BOP1: variants seen among roughly 807,000 people sequenced by gnomAD.
BOP1 encodes ribosome biogenesis protein BOP1.
In BOP1, 54 loss-of-function variants were observed where a neutral mutation model predicts 82.9. That is an observed-to-expected ratio of 0.65 (90% confidence interval 0.52 to 0.82). The LOEUF is 0.82. Among genes scored for constraint, BOP1 ranks in the 40% least tolerant of loss-of-function variants. The probability of loss-of-function intolerance (pLI) is 0.00; values close to 1 mark genes in which losing one functional copy is unlikely to be tolerated. For synonymous variants in BOP1, 566 were observed against 451.1 expected (o/e 1.25, Z -3.23); for missense variants, 1,170 against 1,072.0 (o/e 1.09, Z -1.28).
intron 2 of BOP1, among the ~76,000 whole-genome samples, chr8:144,280,955 TTGGCCTTCTCTC>T (rs1554838829): frequency 4.0e-5 from 6 of 150,616 alleles, no homozygotes; most frequent in African/African-American, 1.5e-4. Context: ...TACCAGGTCT[TTGGCCTTCTCTC>T]ACTTTAATAC....
At position 144,263,978 on chromosome 8, in the gene BOP1, C is replaced by T; in HGVS notation, c.1140+3G>A. ...ACCCCCCTGGTGTGCCACCCCCACA[C>T]ACCCTCATCTTGCGCTGCCGTGGGC... is the stretch of plus-strand genomic sequence containing the variant. On this transcript the variant is annotated splice_donor_region_variant and intron_variant, in intron 8 of 15. Coordinates refer to ENST00000569669, the MANE Select transcript of BOP1 (RefSeq NM_015201.5). 6.2e-7 allele frequency: 1 copy of T among 1,610,672 alleles called. No individual in the cohort carries two copies. The highest frequency in any genetic ancestry group is 1.7e-5 in the Admixed American group (1 of 59,972).
intron 2 of BOP1, among the ~76,000 whole-genome samples, chr8:144,279,609 A>T (rs1368180992): frequency 2.0e-5 from 3 of 152,200 alleles, no homozygotes; most frequent in Non-Finnish European, 4.4e-5. Context: ...CGTAAGGGTG[A>T]CTGTGACCAT....
intron 3 of BOP1, chr8:144,266,783 GGGGCCGGC>G (rs1588591172): frequency 3.6e-6 from 4 of 1,103,712 alleles, no homozygotes; most frequent in African/African-American, 1.7e-5. Flanking sequence ...CGGAGGGCGG[GGGGCCGGC>G]GGGCCGGGGG....
chr8:144,263,747 G>C lies in BOP1; in HGVS notation c.1236C>G (p.His412Gln). ...PTCQALVYRG[H>Q]SDLVRCLSVS... ...CACTGAGGCACCGGACAAGGTCACT[G>C]TGGCCCCTGTAGACCTGAGGAGGCG... The change falls in exon 10 of 16, where the codon CAC becomes CAG. Residue 412 changes from histidine (H) to glutamine (Q), a missense_variant. His to Gln is a conservative substitution (Grantham distance 24). Coordinates refer to ENST00000569669, the MANE Select transcript of BOP1 (RefSeq NM_015201.5). 1 of 1,581,590 alleles carries C rather than the reference G, an allele frequency of 6.3e-7. No homozygotes were observed. Among genetic ancestry groups the C allele is most frequent in the Non-Finnish European group, 8.6e-7 (1 of 1,165,524 alleles).
At chr8:144,273,106 T>C (rs1331928510) in intron 3 of BOP1, among the ~76,000 whole-genome samples, 3 of 152,030 alleles carry the variant, frequency 2.0e-5, no homozygotes, top group Admixed American at 6.5e-5. Flanking sequence ...CCGGGAAACC[T>C]GAGCCGAGGC....
intron 3 of BOP1, among the ~76,000 whole-genome samples, chr8:144,275,762 C>T (rs1845559523): frequency 6.6e-6 from 1 of 152,122 alleles, no homozygotes; most frequent in African/African-American, 2.4e-5. Flanking sequence ...TAGGAGGTGG[C>T]CCTGGCCCTG....
At chr8:144,290,338 C>CA (rs11353637) in intron 1 of BOP1, among the ~76,000 whole-genome samples, 75,244 of 125,836 alleles carry the variant, frequency 0.6, 20,823 homozygotes, top group Admixed American at 0.72. Context: ...GGCTCTGTCT[C>CA]AAAAAAAAAA....
In BOP1 at chr8:144,267,101, C is replaced by T. The variant is rs1430764984; in HGVS notation, c.391-2030G>A. The stretch of plus-strand genomic sequence containing the variant: ...GCCGGCAGCCCCCCGCCGCCGCCCC[C>T]GCCGCCTCCCGCCCGCGACGGCGAG... On this transcript the variant is annotated intron_variant, in intron 3 of 15. Coordinates refer to ENST00000569669, the MANE Select transcript of BOP1 (RefSeq NM_015201.5). 6 of 1,436,990 alleles carry T rather than the reference C, an allele frequency of 4.2e-6. No individual in the cohort carries two copies. The South Asian group carries it at 4.5e-5, about 11-fold the overall frequency. 89.0% of individuals were successfully genotyped at this position (1,436,990 alleles called of 1,614,324 possible).
chr8:144,269,979 G>C (rs1163170486), intron 3 of BOP1, among the ~76,000 whole-genome samples: 2 of 152,140 alleles, frequency 1.3e-5, no homozygotes, highest in African/African-American at 4.8e-5. Flanking sequence ...CTGTAGGGAG[G>C]GTCCATAGCC....
intron 2 of BOP1, among the ~76,000 whole-genome samples, chr8:144,288,735 G>A (rs540508474): frequency 7.2e-5 from 11 of 152,222 alleles, no homozygotes; most frequent in South Asian, 6.2e-4. Flanking sequence ...CCCCCATGCC[G>A]CCTGCTTGAG....
intron 3 of BOP1, among the ~76,000 whole-genome samples, chr8:144,267,497 C>G (rs1352035727): frequency 6.6e-6 from 1 of 152,244 alleles, no homozygotes; most frequent in Non-Finnish European, 1.5e-5. Context: ...GCAAGCTTCC[C>G]TTTTCAGTAA....
intron 3 of BOP1, among the ~76,000 whole-genome samples, chr8:144,274,315 G>A (rs1348160034): frequency 6.6e-6 from 1 of 152,302 alleles, no homozygotes; most frequent in South Asian, 2.1e-4. Context: ...CCATGGTCCT[G>A]GTGCCACGGC....
chr8:144,281,033 A>ATACGAGGTCTTCGGCCTTCTCTCACTTTC (rs1845664992), intron 2 of BOP1, among the ~76,000 whole-genome samples: 1 of 52,642 alleles, frequency 1.9e-5, no homozygotes, highest in Admixed American at 1.8e-4. Context: ...CTCTCACTTT[A>ATACGAGGTCTTCGGCCTTCTCTCACTTTC]ATACCAGGTC....
chr8:144,263,010 GTGGCTGCGGCGGAACGGACTC>G lies in BOP1; in HGVS notation c.1716_1736del (p.Gln572_Ser578del). 4 of 1,560,170 alleles carry G rather than the reference GTGGCTGCGGCGGAACGGACTC, an allele frequency of 2.6e-6. No homozygotes were observed. Among genetic ancestry groups the G allele is most frequent in the Non-Finnish European group, 3.4e-6 (4 of 1,160,942 alleles). On this transcript the variant is annotated inframe_deletion, in exon 13 of 16. Transcript: ENST00000569669. ...GGAAGGCCACTCGCTGCACCTGTCC[GTGGCTGCGGCGGAACGGACTC>G]TGGCTGCGGCGACGGCTCAGCTGGT... is the stretch of plus-strand genomic sequence containing the variant.
At chr8:144,271,064 C>G (rs955172277) in intron 3 of BOP1, among the ~76,000 whole-genome samples, 14 of 138,434 alleles carry the variant, frequency 1.0e-4, no homozygotes, top group South Asian at 2.4e-4. Context: ...CCGGGTCAGG[C>G]CCCGCACGGA....
In BOP1 at chr8:144,263,511, G is replaced by C. The variant is rs1554836836; in HGVS notation, c.1391C>G (p.Pro464Arg). The change falls in exon 11 of 16, where the codon CCC becomes CGC. Residue 464 changes from proline (P) to arginine (R), a missense_variant. Transcript: ENST00000569669. ...AGCCACCAGGCAGACAGCGGGGCTG[G>C]GGTTCCAGGCCACACTCTTCACCAC... The part of the protein sequence containing the change: ...GGVVKSVAWN[P>R]SPAVCLVAAA... 6.3e-7 allele frequency: 1 copy of C among 1,599,104 alleles called. No homozygotes were observed. Among genetic ancestry groups the C allele is most frequent in the Admixed American group, 1.7e-5 (1 of 59,996 alleles).
intron 3 of BOP1, 80 bp downstream of exon 3, chr8:144,276,144 C>G (rs948175436): frequency 2.6e-5 from 41 of 1,558,310 alleles, no homozygotes; most frequent in Non-Finnish European, 1.9e-5. Context: ...CAGGGCAACC[C>G]CAGCCCCAAC....
At chr8:144,268,100 G>A in intron 3 of BOP1, 2 of 1,550,956 alleles carry the variant, frequency 1.3e-6, no homozygotes, top group Non-Finnish European at 1.7e-6. Context: ...CCTCCCCTCT[G>A]CAGAGCAAGG....
intron 3 of BOP1, among the ~76,000 whole-genome samples, chr8:144,269,106 C>A (rs1180394409): frequency 6.6e-6 from 1 of 152,214 alleles, no homozygotes; most frequent in Non-Finnish European, 1.5e-5. Flanking sequence ...ACCACCACGG[C>A]CCATCCAGCC....
Sources: allele counts gnomAD v4.1 joint callset (sites outside exome capture counted in the v4.1 genomes callset), GRCh38; gene constraint gnomAD v4.1.1; transcripts MANE v1.5; gene names NCBI Gene and HGNC (gene_info 2026-07-23, HGNC 2026-07-21).